The following PTK2 variants were observed in gnomAD, a reference collection of about 807,000 sequenced individuals.
PTK2 encodes the protein focal adhesion kinase 1.
Under a neutral mutation model 150.1 loss-of-function variants are expected in PTK2, and 45 were observed. That is an observed-to-expected ratio of 0.30 (90% CI 0.24 to 0.38). The LOEUF is 0.38. PTK2 is among the 10% of genes least tolerant of loss of function. PTK2 has a pLI of 1.00. For synonymous variants in PTK2, 432 were observed against 449.2 expected (o/e 0.96, Z 0.48); for missense variants, 919 against 1,307.3 (o/e 0.70, Z 4.58).
chr8:140,894,323 A>C (rs1281780651), intron 2 of PTK2, among the ~76,000 whole-genome samples: 2 of 152,218 alleles, frequency 1.3e-5, no homozygotes, highest in East Asian at 3.8e-4. Context: ...CCTCTAGACC[A>C]GTGAGAAATA....
intron 2 of PTK2, among the ~76,000 whole-genome samples, chr8:140,899,244 T>C (rs1231144960): frequency 6.6e-6 from 1 of 152,154 alleles, no homozygotes; most frequent in African/African-American, 2.4e-5. Flanking sequence ...TAAGGGACTT[T>C]CTAGGCTAGG....
rs957255449 is a variant in PTK2 at position 140,669,676 on chromosome 8, C to T, written c.2710-1252G>A. 3.1e-5 allele frequency: 47 copies of T among 1,519,712 alleles called. 1 individual carries two copies. Among genetic ancestry groups the T allele is most frequent in the Non-Finnish European group, 3.6e-5 (41 of 1,132,664 alleles). 94.1% of individuals were successfully genotyped at this position (1,519,712 alleles called of 1,614,324 possible). A position where few individuals can be genotyped will look rare whatever the true frequency, so the allele number is the denominator to read the frequency against. On this transcript the variant is annotated intron_variant, in intron 29 of 31. Coordinates refer to ENST00000522684, the Ensembl canonical transcript of PTK2. ...CAGTCCAAAGTTACATGCAGAGAGC[C>T]GGGTGTGATAGAGAGAGCTGGACAG... is the stretch of plus-strand genomic sequence containing the variant.
At chr8:140,810,745 C>A (rs1473922073) in intron 10 of PTK2, among the ~76,000 whole-genome samples, 1 of 152,234 alleles carries the variant, frequency 6.6e-6, no homozygotes, top group Non-Finnish European at 1.5e-5. Context: ...CAGAGCCAAC[C>A]AGCCCTGTCC....
rs538904766 is a variant in PTK2, at chr8:140,893,279, C to A, written c.-32-2510G>T. Among the ~76,000 whole-genome samples, 9 of 152,242 alleles carry A rather than the reference C, an allele frequency of 5.9e-5. No homozygotes were observed. The South Asian group carries it at 1.2e-3, about 21-fold the overall frequency. On this transcript the variant is annotated intron_variant, in intron 2 of 31. Transcript: ENST00000522684. ...GTAGCTGTGATCATGCCATTGTACT[C>A]CAGCTTGGGCGACAGAAAGAGACCC...
rs185693806 is a variant in PTK2, at chr8:140,964,831, A to G, written c.-122+36294T>C. Reference sequence around the variant, plus strand: ...TATACATTCCTGGCATCATTCCAGGAACAAAAATTCAAAGACACTCAGACC... The same window carrying G: ...TATACATTCCTGGCATCATTCCAGGGACAAAAATTCAAAGACACTCAGACC... On this transcript the variant is annotated intron_variant, in intron 1 of 31. Transcript: ENST00000522684. 3.4e-3 allele frequency among the ~76,000 whole-genome samples: 521 copies of G among 152,274 alleles called. 4 individuals are homozygous for G. The highest frequency in any genetic ancestry group is 0.012 in the African/African-American group (506 of 41,554).
At chr8:140,719,705 G>C (rs1458734076) in intron 22 of PTK2, among the ~76,000 whole-genome samples, 3 of 152,004 alleles carry the variant, frequency 2.0e-5, no homozygotes, top group South Asian at 4.1e-4. Flanking sequence ...TCTTTGAGGT[G>C]CTCTAACAGA....
chr8:140,705,161 A>T (rs1027897881), intron 24 of PTK2, among the ~76,000 whole-genome samples: 1 of 152,196 alleles, frequency 6.6e-6, no homozygotes, highest in Non-Finnish European at 1.5e-5. Context: ...TACCACTGAC[A>T]TATCTTTTCC....
intron 14 of PTK2, among the ~76,000 whole-genome samples, chr8:140,775,605 A>G (rs1263888533): frequency 1.3e-5 from 2 of 152,060 alleles, no homozygotes; most frequent in Non-Finnish European, 2.9e-5. Flanking sequence ...GGCCTCCCTG[A>G]AGTGCTGGGA....
chr8:140,860,040 A>AT (rs572569065), intron 5 of PTK2, among the ~76,000 whole-genome samples: 139 of 152,222 alleles, frequency 9.1e-4, no homozygotes, highest in African/African-American at 3.0e-3. Context: ...AAAAATATGC[A>AT]TTTTTTTCCC....
chr8:140,752,594 C>T (rs2100063416), intron 16 of PTK2, among the ~76,000 whole-genome samples: 2 of 152,236 alleles, frequency 1.3e-5, no homozygotes, highest in South Asian at 4.1e-4. Context: ...ATTCTAAGTG[C>T]TTGGGATACA....
At chr8:140,878,315 T>G (rs1216650974) in intron 4 of PTK2, among the ~76,000 whole-genome samples, 1 of 152,112 alleles carries the variant, frequency 6.6e-6, no homozygotes, top group African/African-American at 2.4e-5. Context: ...TAAGATTTAT[T>G]CAGGCTGGGC....
chr8:140,914,922 AC>A (rs1025949776), intron 2 of PTK2, among the ~76,000 whole-genome samples: 1 of 150,040 alleles, frequency 6.7e-6, no homozygotes, highest in African/African-American at 2.5e-5. Flanking sequence ...AATCCCAGCT[AC>A]TCGGGAGGCT....
At chr8:140,740,598 T>C (rs2100055116) in intron 20 of PTK2, among the ~76,000 whole-genome samples, 1 of 152,254 alleles carries the variant, frequency 6.6e-6, no homozygotes, top group Admixed American at 6.5e-5. Context: ...TCTGAGAAGA[T>C]ATCTGTGTGA....
chr8:140,796,198 ATTC>A (rs1296883126), intron 12 of PTK2, among the ~76,000 whole-genome samples: 2 of 152,212 alleles, frequency 1.3e-5, no homozygotes, highest in Admixed American at 1.3e-4. Flanking sequence ...AAACTGTTTA[ATTC>A]TTCTGATTTG....
chr8:140,756,911 C>A (rs1305764377), intron 16 of PTK2, among the ~76,000 whole-genome samples: 2 of 151,770 alleles, frequency 1.3e-5, no homozygotes, highest in East Asian at 3.9e-4. Flanking sequence ...ATGGCGTGAA[C>A]CCGGGAGGCG....
intron 1 of PTK2, among the ~76,000 whole-genome samples, chr8:140,946,372 T>C (rs2100177690): frequency 6.6e-6 from 1 of 152,062 alleles, no homozygotes; most frequent in African/African-American, 2.4e-5. Flanking sequence ...AAAACTGTTC[T>C]AGAACTACAC....
intron 14 of PTK2, among the ~76,000 whole-genome samples, chr8:140,783,850 A>C (rs1566287097): frequency 6.6e-6 from 1 of 152,220 alleles, no homozygotes; most frequent in Admixed American, 6.5e-5. Context: ...TTTAAATTGC[A>C]ACAAATACTG....
chr8:140,738,962 TG>T, intron 21 of PTK2, 55 bp downstream of exon 24: 3 of 1,242,994 alleles, frequency 2.4e-6, no homozygotes, highest in Non-Finnish European at 2.2e-6. Flanking sequence ...AATTTTTTTT[TG>T]TATAACATAT....
intron 2 of PTK2, among the ~76,000 whole-genome samples, chr8:140,917,188 C>T (rs1417302369): frequency 3.3e-5 from 5 of 152,004 alleles, no homozygotes; most frequent in African/African-American, 1.2e-4. Flanking sequence ...GTCAGGAGTT[C>T]GAGACCAGCC....
Sources: gnomAD v4.1 joint callset for allele counts (sites outside exome capture counted in the v4.1 genomes callset) on GRCh38, gnomAD v4.1.1 for gene constraint, MANE v1.5 for transcripts, NCBI Gene and HGNC (gene_info 2026-07-23, HGNC 2026-07-21) for gene names.